The following DLG2 variants were observed in gnomAD, a reference collection of about 807,000 sequenced individuals.
DLG2 encodes disks large homolog 2.
In DLG2, 45 loss-of-function variants were observed where a neutral mutation model predicts 132.5. The ratio of observed to expected loss-of-function variants is 0.34; its 90% CI spans 0.27 to 0.44. The LOEUF (loss-of-function observed/expected upper bound fraction) is 0.44. DLG2 is among the 20% of genes least tolerant of loss of function. The probability of loss-of-function intolerance (pLI) is 1.00; values close to 1 mark genes in which losing one functional copy is unlikely to be tolerated. For synonymous variants in DLG2, 424 were observed against 419.6 expected, an observed-to-expected ratio of 1.01 and a Z score of -0.13; for missense variants, 1,045 against 1,196.9, an observed-to-expected ratio of 0.87 and a Z score of 1.87.
chr11:83,888,306 AC>A (rs1479584534), intron 15 of DLG2, among the ~76,000 whole-genome samples: 3 of 152,118 alleles, frequency 2.0e-5, no homozygotes, highest in Admixed American at 1.3e-4. Flanking sequence ...TACACAAATA[AC>A]AGACAAACAG....
intron 9 of DLG2, among the ~76,000 whole-genome samples, chr11:84,121,762 C>T (rs1196437741): frequency 3.3e-5 from 5 of 151,162 alleles, no homozygotes; most frequent in African/African-American, 4.8e-5. Flanking sequence ...GGGGTTTCAC[C>T]GTATTAGCCA....
intron 3 of DLG2, among the ~76,000 whole-genome samples, chr11:85,295,293 C>T (rs985269736): frequency 6.6e-6 from 1 of 152,046 alleles, no homozygotes; most frequent in Non-Finnish European, 1.5e-5. Flanking sequence ...TCTTTCATGC[C>T]TACCTCCCCA....
intron 4 of DLG2, among the ~76,000 whole-genome samples, chr11:85,202,925 A>G (rs2152555704): frequency 6.6e-6 from 1 of 151,850 alleles, no homozygotes; most frequent in South Asian, 2.1e-4. Flanking sequence ...ATATAACAAT[A>G]AATATCTACA....
intron 3 of DLG2, among the ~76,000 whole-genome samples, chr11:85,352,443 T>C (rs893987977): frequency 1.3e-5 from 2 of 152,196 alleles, no homozygotes; most frequent in Non-Finnish European, 2.9e-5. Flanking sequence ...TTTCTTGCCT[T>C]CTGCTAGCTT....
intron 7 of DLG2, among the ~76,000 whole-genome samples, chr11:84,421,089 G>A (rs571802532): frequency 3.3e-5 from 5 of 152,210 alleles, no homozygotes; most frequent in South Asian, 2.1e-4. Flanking sequence ...ACTCTTATAA[G>A]TTAGTTCCCA....
intron 4 of DLG2, among the ~76,000 whole-genome samples, chr11:85,257,204 T>A (rs541996565): frequency 6.6e-6 from 1 of 152,132 alleles, no homozygotes; most frequent in African/African-American, 2.4e-5. Context: ...AGGCAAAAAA[T>A]CATTACAGCT....
chr11:84,078,904 C>T (rs543487810), intron 10 of DLG2, among the ~76,000 whole-genome samples: 32 of 36,158 alleles, frequency 8.9e-4, no homozygotes, highest in African/African-American at 2.4e-3. Flanking sequence ...TTGTTGTAGG[C>T]ATCTTAAATT....
Position 83,639,193 on chromosome 11 carries a change from C to T in DLG2, c.1826-5868G>A, listed in dbSNP as rs541499767. 2.0e-5 allele frequency among the ~76,000 whole-genome samples: 3 copies of T among 152,310 alleles called. No individual in the cohort carries two copies. The South Asian group carries it at 6.2e-4, about 32-fold the overall frequency. On this transcript the variant is annotated intron_variant, in intron 18 of 27. Coordinates refer to ENST00000376104, the MANE Select transcript of DLG2 (RefSeq NM_001142699.3). ...ATAGCATGAGGCCATGGCCTGCCCT[C>T]CCCCTTTCCCAAGTGAGATGGTGGG...
intron 15 of DLG2, among the ~76,000 whole-genome samples, chr11:83,890,657 TCA>T (rs1346541117): frequency 6.6e-6 from 1 of 152,204 alleles, no homozygotes; most frequent in Non-Finnish European, 1.5e-5. Context: ...TAGTACCTTT[TCA>T]CAGTTTGCTC....
chr11:84,839,963 T>A (rs2080387849), intron 6 of DLG2, among the ~76,000 whole-genome samples: 1 of 152,042 alleles, frequency 6.6e-6, no homozygotes, highest in Non-Finnish European at 1.5e-5. Flanking sequence ...CCAAAAGCAA[T>A]GGCAACAAAA....
At chr11:83,633,622 G>A (rs2063978653) in intron 18 of DLG2, among the ~76,000 whole-genome samples, 1 of 152,010 alleles carries the variant, frequency 6.6e-6, no homozygotes, top group African/African-American at 2.4e-5. Context: ...GGGAAGGCAG[G>A]GAGGTAGATG....
intron 17 of DLG2, among the ~76,000 whole-genome samples, chr11:83,831,963 G>A (rs1354269526): frequency 2.0e-5 from 3 of 152,006 alleles, no homozygotes; most frequent in Non-Finnish European, 4.4e-5. Context: ...GCAATGAGAT[G>A]GAAGAATGAA....
At chr11:84,317,266 T>C (rs2098370104) in intron 7 of DLG2, 1 of 1,491,458 alleles carries the variant, frequency 6.7e-7, no homozygotes, top group South Asian at 1.4e-5. Context: ...CTCAGTATCT[T>C]TGACAGCTGC....
chr11:85,410,866 AC>A (rs1191536633), intron 3 of DLG2, among the ~76,000 whole-genome samples: 2 of 151,614 alleles, frequency 1.3e-5, no homozygotes, highest in African/African-American at 4.8e-5. Context: ...TAAAACAGCC[AC>A]CCCCAATTAT....
At chr11:84,920,873 CATT>C (rs1186245919) in intron 6 of DLG2, among the ~76,000 whole-genome samples, 1 of 152,018 alleles carries the variant, frequency 6.6e-6, no homozygotes, top group African/African-American at 2.4e-5. Context: ...AAGATCATGA[CATT>C]AGTGGTCTAT....
At chr11:85,324,018 G>A (rs2081267365) in intron 3 of DLG2, among the ~76,000 whole-genome samples, 1 of 152,324 alleles carries the variant, frequency 6.6e-6, no homozygotes, top group East Asian at 1.9e-4. Context: ...CTGGTGGGGA[G>A]TGAACATCTA....
intron 3 of DLG2, among the ~76,000 whole-genome samples, chr11:85,436,540 C>T (rs1007562923): frequency 6.6e-6 from 1 of 152,038 alleles, no homozygotes; most frequent in Non-Finnish European, 1.5e-5. Flanking sequence ...ATCAATGCAG[C>T]CAACAAACAT....
intron 9 of DLG2, among the ~76,000 whole-genome samples, chr11:84,117,255 T>A (rs1250263101): frequency 6.6e-6 from 1 of 152,242 alleles, no homozygotes; most frequent in African/African-American, 2.4e-5. Context: ...GTATTTGCCT[T>A]ATTTTCTAGC....
At chr11:84,364,328 T>C (rs1320416875) in intron 7 of DLG2, among the ~76,000 whole-genome samples, 1 of 152,172 alleles carries the variant, frequency 6.6e-6, no homozygotes, top group Non-Finnish European at 1.5e-5. Context: ...TATTTGTGTA[T>C]AAGAATGCTT....
Sources: gnomAD v4.1 joint callset for allele counts (sites outside exome capture counted in the v4.1 genomes callset) on GRCh38, gnomAD v4.1.1 for gene constraint, MANE v1.5 for transcripts, NCBI Gene and HGNC (gene_info 2026-07-23, HGNC 2026-07-21) for gene names.